SAMTOR: variants seen among roughly 807,000 people sequenced by gnomAD.
SAMTOR encodes the protein UPF0532 protein C7orf60.
chr7:112,890,273 T>C, the SAMTOR span, among the ~76,000 whole-genome samples: 6 of 152,148 alleles, frequency 3.9e-5, no homozygotes, highest in African/African-American at 1.4e-4. Flanking sequence ...ACTGAGGTGT[T>C]TGAGCGCAAC....
the SAMTOR span, among the ~76,000 whole-genome samples, chr7:112,848,999 A>C: frequency 6.6e-6 from 1 of 151,848 alleles, no homozygotes; most frequent in Non-Finnish European, 1.5e-5. Context: ...CAGTGATCCA[A>C]GATTGTGCCA....
At chr7:112,921,144 C>T in the SAMTOR span, among the ~76,000 whole-genome samples, 3 of 151,786 alleles carry the variant, frequency 2.0e-5, no homozygotes, top group Non-Finnish European at 2.9e-5. Context: ...ACCAAGTCAA[C>T]CCTAAGCCAA....
the SAMTOR span, among the ~76,000 whole-genome samples, chr7:112,860,448 A>G: frequency 2.0e-5 from 3 of 152,286 alleles, no homozygotes; most frequent in South Asian, 4.1e-4. Flanking sequence ...CATCCCTGCT[A>G]TTCGTTCCCT....
At chr7:112,937,164 G>T in the SAMTOR span, among the ~76,000 whole-genome samples, 53 of 152,282 alleles carry the variant, frequency 3.5e-4, no homozygotes, top group South Asian at 8.9e-3. Flanking sequence ...TACAGGAATT[G>T]TCTAAGAGGC....
At chr7:112,879,542 C>T in the SAMTOR span, among the ~76,000 whole-genome samples, 1,647 of 152,242 alleles carry the variant, frequency 0.011, 29 homozygotes, top group African/African-American at 0.037. Flanking sequence ...TAAATTGCCA[C>T]TATTGCCACA....
At chr7:112,842,856 C>G in the SAMTOR span, among the ~76,000 whole-genome samples, 8 of 151,978 alleles carry the variant, frequency 5.3e-5, no homozygotes, top group Non-Finnish European at 1.2e-4. Context: ...GTGATCTTAA[C>G]TGATACACTT....
the SAMTOR span, among the ~76,000 whole-genome samples, chr7:112,824,092 A>G: frequency 6.6e-6 from 1 of 152,172 alleles, no homozygotes; most frequent in East Asian, 1.9e-4. Flanking sequence ...TTTATGATAT[A>G]TGACTTGAAA....
At chr7:112,915,946 G>A in the SAMTOR span, among the ~76,000 whole-genome samples, 13 of 152,090 alleles carry the variant, frequency 8.5e-5, no homozygotes, top group Admixed American at 3.9e-4. Flanking sequence ...TTATCTTCTT[G>A]TATTTCTACA....
chr7:112,905,342 T>A, the SAMTOR span, among the ~76,000 whole-genome samples: 1 of 152,184 alleles, frequency 6.6e-6, no homozygotes, highest in South Asian at 2.1e-4. Context: ...ACTCCATGTT[T>A]TCCCTCAGTC....
the SAMTOR span, among the ~76,000 whole-genome samples, chr7:112,894,856 T>C: frequency 2.0e-5 from 3 of 152,322 alleles, no homozygotes; most frequent in South Asian, 6.2e-4. Context: ...GCCAATCGAC[T>C]TGCTTGACTC....
At chr7:112,913,946 G>A in the SAMTOR span, among the ~76,000 whole-genome samples, 2 of 152,112 alleles carry the variant, frequency 1.3e-5, no homozygotes, top group South Asian at 2.1e-4. Flanking sequence ...TATTGTTTCC[G>A]GCCACTCACC....
chr7:112,875,720 C>G, the SAMTOR span, among the ~76,000 whole-genome samples: 1 of 152,108 alleles, frequency 6.6e-6, no homozygotes, highest in Non-Finnish European at 1.5e-5. Context: ...GCACAAATCC[C>G]TCTCAAGGTC....
chr7:112,895,847 T>G, the SAMTOR span: 5 of 685,786 alleles, frequency 7.3e-6, no homozygotes, highest in African/African-American at 7.4e-5. Flanking sequence ...AAATTTAAGA[T>G]TTCTGCTTTG....
chr7:112,822,021 T>C, the SAMTOR span: 1 of 1,613,756 alleles, frequency 6.2e-7, no homozygotes, highest in Non-Finnish European at 8.5e-7. Context: ...TGCCATCAGA[T>C]GCATATGTGA....
At chr7:112,869,853 A>G in the SAMTOR span, among the ~76,000 whole-genome samples, 2 of 152,324 alleles carry the variant, frequency 1.3e-5, no homozygotes, top group East Asian at 3.9e-4. Flanking sequence ...TAATATAACC[A>G]TATTAAGAAA....
the SAMTOR span, chr7:112,821,615 A>T: frequency 1.2e-6 from 1 of 856,984 alleles, no homozygotes; most frequent in Non-Finnish European, 1.7e-6. Flanking sequence ...AAAAAATAGC[A>T]AACTCTGTAA....
chr7:112,915,262 C>A, the SAMTOR span: 5 of 1,514,596 alleles, frequency 3.3e-6, no homozygotes, highest in South Asian at 3.8e-5. Context: ...GAAGTTACAA[C>A]AATACATTTG....
chr7:112,827,258 T>C, the SAMTOR span, among the ~76,000 whole-genome samples: 10 of 152,224 alleles, frequency 6.6e-5, 1 homozygote, highest in African/African-American at 2.2e-4. Flanking sequence ...ATTGGGGCAT[T>C]TAGGCCATTT....
At chr7:112,939,541 T>C in the SAMTOR span, 16 of 1,612,428 alleles carry the variant, frequency 9.9e-6, no homozygotes, top group Non-Finnish European at 1.4e-5. Context: ...TGACAAGCGG[T>C]TGGGGGTGAT....
Sources: gnomAD v4.1 joint callset for allele counts (sites outside exome capture counted in the v4.1 genomes callset) on GRCh38, gnomAD v4.1.1 for gene constraint, MANE v1.5 for transcripts, NCBI Gene and HGNC (gene_info 2026-07-23, HGNC 2026-07-21) for gene names.